Variants in SEMA6D observed in about 807,000 individuals in gnomAD.
SEMA6D encodes semaphorin 6D.
In SEMA6D, 35 loss-of-function variants were observed where a neutral mutation model predicts 106.6. That is an observed-to-expected ratio of 0.33 (90% confidence interval 0.25 to 0.44). SEMA6D has a LOEUF of 0.44. Ranked by LOEUF, SEMA6D falls within the 20% of genes least tolerant of loss-of-function variation. The pLI is 1.00. For synonymous variants in SEMA6D, 499 were observed against 487.7 expected (o/e 1.02, Z -0.31); for missense variants, 1,185 against 1,345.9 (o/e 0.88, Z 1.87).
intron 1 of SEMA6D, among the ~76,000 whole-genome samples, chr15:47,220,765 A>G (rs1292950609): frequency 1.3e-5 from 2 of 152,224 alleles, no homozygotes; most frequent in East Asian, 3.8e-4. Flanking sequence ...TATCCTGGCT[A>G]GACAGCTAAA....
chr15:47,280,457 G>A (rs1034252827), intron 1 of SEMA6D, among the ~76,000 whole-genome samples: 9 of 147,538 alleles, frequency 6.1e-5, no homozygotes, highest in African/African-American at 2.3e-4. Flanking sequence ...TATCAATTTT[G>A]TTGATCCTTT....
chr15:47,618,306 G>C (rs1278177426), intron 4 of SEMA6D, among the ~76,000 whole-genome samples: 5 of 152,210 alleles, frequency 3.3e-5, no homozygotes, highest in African/African-American at 9.6e-5. Flanking sequence ...AATCCGAGGA[G>C]GTTTTTGCCT....
chr15:47,647,841 A>G (rs2077611468), intron 4 of SEMA6D, among the ~76,000 whole-genome samples: 2 of 152,310 alleles, frequency 1.3e-5, no homozygotes, highest in Middle Eastern at 3.4e-3. Flanking sequence ...ATATTTGCTC[A>G]GAAACAAAGC....
chr15:47,766,312 G>A (rs2082335762), intron 15 of SEMA6D, 130 bp downstream of exon 15: 4 of 780,196 alleles, frequency 5.1e-6, no homozygotes, highest in South Asian at 1.9e-5. Flanking sequence ...ACAGGAAAAC[G>A]AAAACCAGGA....
intron 1 of SEMA6D, among the ~76,000 whole-genome samples, chr15:47,186,525 A>G (rs749417623): frequency 4.3e-4 from 15 of 34,960 alleles, no homozygotes; most frequent in Non-Finnish European, 8.9e-4. Flanking sequence ...CAGCATTCGT[A>G]CCTCTTTTTT....
At chr15:47,215,713 C>G (rs2030525933) in intron 1 of SEMA6D, among the ~76,000 whole-genome samples, 2 of 152,066 alleles carry the variant, frequency 1.3e-5, no homozygotes, top group African/African-American at 4.8e-5. Flanking sequence ...TTAGCTACGG[C>G]TTCTACTTTT....
rs139445124 is a variant in SEMA6D at position 47,519,151 on chromosome 15, T to C, written c.-87+48606T>C. 5.5e-3 allele frequency among the ~76,000 whole-genome samples: 840 copies of C among 152,208 alleles called. 6 individuals are homozygous for C. The highest frequency in any genetic ancestry group is 0.015 in the Admixed American group (223 of 15,290). ...CGTTAAAAATTAAATAAAAATAAAATGTATAGTGTAATAAATACATAAACC... is the reference window on the plus strand; with the variant it reads ...CGTTAAAAATTAAATAAAAATAAAACGTATAGTGTAATAAATACATAAACC... On this transcript the variant is annotated intron_variant, in intron 3 of 19. Coordinates refer to the SEMA6D transcript ENST00000558014.
chr15:47,461,627 T>C (rs950889985), intron 2 of SEMA6D, among the ~76,000 whole-genome samples: 1 of 151,952 alleles, frequency 6.6e-6, no homozygotes, highest in African/African-American at 2.4e-5. Context: ...TAAAGTGAGG[T>C]GTATAGGATG....
intron 4 of SEMA6D, among the ~76,000 whole-genome samples, chr15:47,645,776 A>G (rs1171142382): frequency 6.6e-6 from 1 of 152,114 alleles, no homozygotes; most frequent in Non-Finnish European, 1.5e-5. Context: ...CCAGCTATAC[A>G]TTGGGATTCC....
chr15:47,460,748 G>A (rs1391408412), intron 2 of SEMA6D, among the ~76,000 whole-genome samples: 1 of 152,070 alleles, frequency 6.6e-6, no homozygotes, highest in African/African-American at 2.4e-5. Context: ...CAAACTGGGT[G>A]AACAAACAAA....
intron 4 of SEMA6D, among the ~76,000 whole-genome samples, chr15:47,711,125 C>T (rs1450478200): frequency 1.3e-5 from 2 of 151,348 alleles, no homozygotes; most frequent in African/African-American, 4.9e-5. Context: ...CCGGCTAAAA[C>T]GGTGAAACCC....
intron 3 of SEMA6D, among the ~76,000 whole-genome samples, chr15:47,548,828 T>C (rs2142353311): frequency 6.6e-6 from 1 of 152,310 alleles, no homozygotes; most frequent in South Asian, 2.1e-4. Flanking sequence ...GTGTTTGTTG[T>C]AAACATTTAG....
intron 3 of SEMA6D, among the ~76,000 whole-genome samples, chr15:47,586,765 A>G (rs2076347208): frequency 6.6e-6 from 1 of 152,114 alleles, no homozygotes; most frequent in African/African-American, 2.4e-5. Context: ...ACGTATTCAC[A>G]AGTTCCACCC....
At chr15:47,696,101 C>T (rs549318534) in intron 4 of SEMA6D, among the ~76,000 whole-genome samples, 2 of 152,262 alleles carry the variant, frequency 1.3e-5, no homozygotes, top group East Asian at 1.9e-4. Context: ...TCACCCTTAA[C>T]GCGCTTCCTT....
intron 3 of SEMA6D, among the ~76,000 whole-genome samples, chr15:47,598,753 G>A (rs1490206484): frequency 6.6e-6 from 1 of 152,072 alleles, no homozygotes; most frequent in Non-Finnish European, 1.5e-5. Flanking sequence ...CCTTTTTCAG[G>A]AATTTACAGA....
chr15:47,588,418 C>T (rs1015666043), intron 3 of SEMA6D, among the ~76,000 whole-genome samples: 4 of 152,174 alleles, frequency 2.6e-5, no homozygotes, highest in African/African-American at 9.7e-5. Flanking sequence ...TCAGCTGCCC[C>T]CTCCTTCACA....
At chr15:47,255,373 AT>A (rs200586095) in intron 1 of SEMA6D, among the ~76,000 whole-genome samples, 2,286 of 151,270 alleles carry the variant, frequency 0.015, 63 homozygotes, top group African/African-American at 0.053. Context: ...AATTTTACTT[AT>A]TTTTTTAAAA....
intron 2 of SEMA6D, among the ~76,000 whole-genome samples, chr15:47,433,168 A>G (rs926681450): frequency 6.6e-6 from 1 of 152,006 alleles, no homozygotes; most frequent in Non-Finnish European, 1.5e-5. Context: ...CTTTCTAGAC[A>G]TTGTCACTTT....
chr15:47,441,750 T>C (rs2140789342), intron 2 of SEMA6D, among the ~76,000 whole-genome samples: 1 of 152,186 alleles, frequency 6.6e-6, no homozygotes, highest in Non-Finnish European at 1.5e-5. Flanking sequence ...TGTATGAATA[T>C]CTGTTAATAT....
Sources: gnomAD v4.1 joint callset for allele counts (sites outside exome capture counted in the v4.1 genomes callset) on GRCh38, gnomAD v4.1.1 for gene constraint, MANE v1.5 for transcripts, NCBI Gene and HGNC (gene_info 2026-07-23, HGNC 2026-07-21) for gene names.